Variants in SUPT3H observed in about 807,000 individuals in gnomAD.
SUPT3H encodes transcription initiation protein SPT3 homolog.
SUPT3H carries 44 observed loss-of-function variants against 44.3 expected under a neutral mutation model. The ratio of observed to expected loss-of-function variants is 0.99; its 90% CI spans 0.78 to 1.28. SUPT3H has a LOEUF of 1.28. SUPT3H is among the 50% of genes most tolerant of loss of function. SUPT3H has a pLI of 0.00. For synonymous variants in SUPT3H, 124 were observed against 125.6 expected (o/e 0.99, Z 0.09); for missense variants, 380 against 387.1 (o/e 0.98, Z 0.15).
At chr6:45,174,379 T>C (rs1811332939) in intron 2 of SUPT3H, among the ~76,000 whole-genome samples, 1 of 152,226 alleles carries the variant, frequency 6.6e-6, no homozygotes, top group Non-Finnish European at 1.5e-5. Context: ...CTCTGGAGTT[T>C]GGTTCCTCTC....
intron 9 of SUPT3H, among the ~76,000 whole-genome samples, chr6:44,944,055 C>T (rs189781557): frequency 9.9e-5 from 15 of 151,906 alleles, no homozygotes; most frequent in Admixed American, 2.6e-4. Context: ...TTCATTAAAA[C>T]GCACTAGATT....
intron 3 of SUPT3H, among the ~76,000 whole-genome samples, chr6:45,056,580 C>G (rs1355652503): frequency 3.3e-5 from 5 of 152,094 alleles, no homozygotes; most frequent in Non-Finnish European, 5.9e-5. Context: ...GACCATTATT[C>G]TATGTGAAGT....
At chr6:45,337,428 T>C (rs530523395) in intron 2 of SUPT3H, among the ~76,000 whole-genome samples, 2 of 151,900 alleles carry the variant, frequency 1.3e-5, no homozygotes, top group South Asian at 4.1e-4. Context: ...ATTAAATCAA[T>C]ATATACAAGG....
intron 3 of SUPT3H, among the ~76,000 whole-genome samples, chr6:45,059,802 C>A (rs961677121): frequency 6.6e-6 from 1 of 151,960 alleles, no homozygotes; most frequent in African/African-American, 2.4e-5. Flanking sequence ...ACAACAACAA[C>A]AGGCAAGCAG....
At chr6:45,248,283 T>G (rs1013335336) in intron 2 of SUPT3H, among the ~76,000 whole-genome samples, 1 of 152,126 alleles carries the variant, frequency 6.6e-6, no homozygotes, top group Non-Finnish European at 1.5e-5. Flanking sequence ...CCAAAGATGC[T>G]GTTGGAAAAA....
At chr6:45,250,012 A>T (rs1238150889) in intron 2 of SUPT3H, among the ~76,000 whole-genome samples, 1 of 152,190 alleles carries the variant, frequency 6.6e-6, no homozygotes, top group Non-Finnish European at 1.5e-5. Flanking sequence ...AAGAGAAACA[A>T]AATCTACAGT....
intron 5 of SUPT3H, among the ~76,000 whole-genome samples, chr6:45,006,176 T>C (rs1782690243): frequency 6.6e-6 from 1 of 152,128 alleles, no homozygotes; most frequent in Non-Finnish European, 1.5e-5. Context: ...TATGCATTTA[T>C]TTACCATTTA....
chr6:45,141,844 C>T (rs1292933761), intron 2 of SUPT3H, among the ~76,000 whole-genome samples: 3 of 152,116 alleles, frequency 2.0e-5, no homozygotes, highest in Non-Finnish European at 4.4e-5. Flanking sequence ...AGGAAAACTT[C>T]GCTAGTCTAG....
intron 4 of SUPT3H, among the ~76,000 whole-genome samples, chr6:45,018,124 C>T (rs2153516189): frequency 6.6e-6 from 1 of 151,832 alleles, no homozygotes; most frequent in South Asian, 2.1e-4. Context: ...AATGGGAGTT[C>T]ACTCATGAGT....
At chr6:45,057,437 T>C (rs1005796507) in intron 3 of SUPT3H, among the ~76,000 whole-genome samples, 4 of 152,136 alleles carry the variant, frequency 2.6e-5, no homozygotes, top group African/African-American at 9.6e-5. Context: ...TAGAAGGTAT[T>C]GTGATGACAC....
intron 3 of SUPT3H, among the ~76,000 whole-genome samples, chr6:45,105,666 G>C (rs1196195956): frequency 6.6e-6 from 1 of 152,128 alleles, no homozygotes; most frequent in Non-Finnish European, 1.5e-5. Flanking sequence ...CTGCCCAGGG[G>C]AACAAGGGTT....
At chr6:45,032,012 A>T (rs1212499616) in intron 3 of SUPT3H, among the ~76,000 whole-genome samples, 2 of 152,202 alleles carry the variant, frequency 1.3e-5, no homozygotes, top group African/African-American at 2.4e-5. Flanking sequence ...CAGTTGCAAA[A>T]TGGGATTATA....
At chr6:45,253,832 C>T (rs1482987224) in intron 2 of SUPT3H, among the ~76,000 whole-genome samples, 2 of 82,336 alleles carry the variant, frequency 2.4e-5, no homozygotes, top group Non-Finnish European at 5.1e-5. Context: ...AAAAAATACA[C>T]ACGTACACAT....
chr6:45,292,602 TAA>T (rs1184664098), intron 2 of SUPT3H, among the ~76,000 whole-genome samples: 1 of 151,192 alleles, frequency 6.6e-6, no homozygotes, highest in African/African-American at 2.4e-5. Context: ...AGCTAACATA[TAA>T]AGACTCACAC....
chr6:45,030,024 C>T (rs754406782), intron 3 of SUPT3H, among the ~76,000 whole-genome samples: 4 of 152,102 alleles, frequency 2.6e-5, no homozygotes, highest in Non-Finnish European at 4.4e-5. Flanking sequence ...CTTGGCCTCC[C>T]AGAGTGCTGG....
At chr6:44,869,116 G>C (rs1775949969) in intron 10 of SUPT3H, among the ~76,000 whole-genome samples, 2 of 152,166 alleles carry the variant, frequency 1.3e-5, no homozygotes, top group African/African-American at 4.8e-5. Context: ...TGCCTCAAAA[G>C]GCAGAACATC....
rs1169319977 is a variant in SUPT3H, at chr6:44,837,035, ATAG to A, written c.913-7181_913-7179del. Among the ~76,000 whole-genome samples the A allele has an allele frequency of 5.3e-5, 8 of 152,330 alleles. No individual in the cohort carries two copies. The East Asian group carries it at 1.5e-3, about 29-fold the overall frequency. ...ATACTGTTACCAAAAATTAGAATCA[ATAG>A]TAGGTTTGTAATAGATAACATCAAA... On this transcript the variant is annotated intron_variant, in intron 10 of 10. Coordinates refer to ENST00000371459, the MANE Select transcript of SUPT3H (RefSeq NM_003599.4).
intron 2 of SUPT3H, among the ~76,000 whole-genome samples, chr6:45,297,699 C>T (rs1409102460): frequency 6.6e-6 from 1 of 152,088 alleles, no homozygotes; most frequent in African/African-American, 2.4e-5. Context: ...TCATAATGAA[C>T]TTGAAGTTCA....
At chr6:45,026,448 T>C (rs548216719) in intron 3 of SUPT3H, among the ~76,000 whole-genome samples, 4 of 152,306 alleles carry the variant, frequency 2.6e-5, no homozygotes, top group Non-Finnish European at 5.9e-5. Context: ...ATAATCTTAG[T>C]GGTAATAATA....
Sources: gnomAD v4.1 joint callset for allele counts (sites outside exome capture counted in the v4.1 genomes callset) on GRCh38, gnomAD v4.1.1 for gene constraint, MANE v1.5 for transcripts, NCBI Gene and HGNC (gene_info 2026-07-23, HGNC 2026-07-21) for gene names.